SOX5: variants seen among roughly 807,000 people sequenced by gnomAD.
SOX5 encodes SRY-box transcription factor 5.
SOX5 carries 9 observed loss-of-function variants against 92.0 expected under a neutral mutation model. That is an observed-to-expected ratio of 0.10 (90% CI 0.06 to 0.17). The LOEUF is 0.17. Ranked by LOEUF, SOX5 falls within the 10% of genes least tolerant of loss-of-function variation. The probability of loss-of-function intolerance (pLI) is 1.00; values close to 1 mark genes in which losing one functional copy is unlikely to be tolerated. For missense variants in SOX5, 642 were observed against 944.5 expected, an observed-to-expected ratio of 0.68 and a Z score of 4.20; for synonymous variants, 344 against 336.3, an observed-to-expected ratio of 1.02 and a Z score of -0.25.
chr12:24,120,671 A>C (rs182131851), intron 4 of SOX5, among the ~76,000 whole-genome samples: 65 of 152,334 alleles, frequency 4.3e-4, no homozygotes, highest in Non-Finnish European at 8.1e-4. Flanking sequence ...CTGTGATCTT[A>C]TGGCTAAATC....
chr12:24,208,211 T>C lies in SOX5; in HGVS notation c.-2+5132A>G, dbSNP rs115766282. ...CATTAGTATTCTATCTTCCTTCTTA[T>C]AGCCATACAGTTTATAAATCAGTCA... On this transcript the variant is annotated intron_variant, in intron 4 of 4. Coordinates refer to the SOX5 transcript ENST00000446891. Among the ~76,000 whole-genome samples, 444 of 152,258 alleles carry C rather than the reference T, an allele frequency of 2.9e-3. 6 individuals are homozygous for C. The highest frequency in any genetic ancestry group is 0.01 in the African/African-American group (425 of 41,546).
intron 4 of SOX5, among the ~76,000 whole-genome samples, chr12:24,126,651 G>A (rs17487383): frequency 4.6e-5 from 7 of 152,094 alleles, no homozygotes; most frequent in East Asian, 3.8e-4. Flanking sequence ...ATGTAAACCC[G>A]ACAATTGCAT....
At chr12:24,437,789 C>T (rs2075050654) in intron 1 of SOX5, among the ~76,000 whole-genome samples, 5 of 152,186 alleles carry the variant, frequency 3.3e-5, no homozygotes, top group Non-Finnish European at 1.5e-5. Context: ...ACAACAGATG[C>T]TGGAGAGGAC....
At chr12:23,738,990 A>T (rs537348618) in intron 5 of SOX5, among the ~76,000 whole-genome samples, 2 of 152,368 alleles carry the variant, frequency 1.3e-5, no homozygotes, top group South Asian at 4.1e-4. Context: ...TCTTTTAAGC[A>T]GACATCAACC....
chr12:24,298,709 A>G (rs1049851377), intron 2 of SOX5, among the ~76,000 whole-genome samples: 2 of 145,972 alleles, frequency 1.4e-5, no homozygotes, highest in Non-Finnish European at 3.0e-5. Context: ...AAGAACTTGC[A>G]TTTATGTACT....
At chr12:24,346,947 C>T (rs1953368760) in intron 2 of SOX5, among the ~76,000 whole-genome samples, 1 of 152,082 alleles carries the variant, frequency 6.6e-6, no homozygotes, top group Non-Finnish European at 1.5e-5. Context: ...TTAATGGGTG[C>T]AGCACACTAA....
intron 3 of SOX5, among the ~76,000 whole-genome samples, chr12:23,795,457 C>T (rs1369880893): frequency 6.6e-6 from 1 of 152,076 alleles, no homozygotes; most frequent in Admixed American, 6.6e-5. Context: ...TTTTAGACTA[C>T]CTTTGGATTT....
intron 4 of SOX5, among the ~76,000 whole-genome samples, chr12:24,012,191 A>C (rs1218777636): frequency 6.6e-6 from 1 of 152,202 alleles, no homozygotes; most frequent in Non-Finnish European, 1.5e-5. Context: ...TTTAGCGGAC[A>C]AGTGGTTGTT....
At chr12:24,189,906 G>A (rs1023937790) in intron 4 of SOX5, among the ~76,000 whole-genome samples, 3 of 152,096 alleles carry the variant, frequency 2.0e-5, no homozygotes, top group Non-Finnish European at 4.4e-5. Flanking sequence ...CTTACCAATG[G>A]CAGATACCCT....
chr12:23,882,058 C>G (rs1201803328), intron 2 of SOX5, among the ~76,000 whole-genome samples: 1 of 152,116 alleles, frequency 6.6e-6, no homozygotes, highest in Admixed American at 6.5e-5. Flanking sequence ...GTTTAATCAT[C>G]AAGAATTAGC....
chr12:23,828,112 T>G lies in SOX5; in HGVS notation c.481+17871A>C, dbSNP rs564810044. Among the ~76,000 whole-genome samples, 13 of 152,342 alleles carry G rather than the reference T, an allele frequency of 8.5e-5. No individual in the cohort carries two copies. The South Asian group carries it at 1.0e-3, about 12-fold the overall frequency. On this transcript the variant is annotated intron_variant, in intron 3 of 14. Transcript: ENST00000451604. ...CCATATTTCTACTGTACCTTTTTTA[T>G]GTGTAGATACACAAATACTTACTTT... is the stretch of plus-strand genomic sequence containing the variant.
At chr12:23,587,139 A>G (rs926364785) in intron 9 of SOX5, among the ~76,000 whole-genome samples, 1 of 151,974 alleles carries the variant, frequency 6.6e-6, no homozygotes, top group African/African-American at 2.4e-5. Context: ...TAACCTAAAA[A>G]CTTCTAACTT....
intron 1 of SOX5, among the ~76,000 whole-genome samples, chr12:23,936,249 C>T (rs781146455): frequency 6.6e-6 from 1 of 150,914 alleles, no homozygotes; most frequent in Non-Finnish European, 1.5e-5. Context: ...GGTATTCTTA[C>T]CCCTCCACAA....
intron 2 of SOX5, among the ~76,000 whole-genome samples, chr12:24,311,396 G>A (rs183187780): frequency 1.6e-4 from 24 of 151,996 alleles, no homozygotes; most frequent in Non-Finnish European, 2.8e-4. Context: ...TCATTATAGG[G>A]GTGTCAGGTA....
At chr12:23,795,848 T>C (rs1023544394) in intron 3 of SOX5, among the ~76,000 whole-genome samples, 2 of 152,184 alleles carry the variant, frequency 1.3e-5, no homozygotes, top group African/African-American at 2.4e-5. Context: ...TCTCTATTGA[T>C]TACCATTTTC....
chr12:23,640,788 C>G (rs998916156), intron 8 of SOX5, 24 bp downstream of exon 8: 9 of 1,563,714 alleles, frequency 5.8e-6, no homozygotes, highest in Non-Finnish European at 6.2e-6. Context: ...ACCTTTGTCT[C>G]CTCTGTATTG....
At chr12:24,427,733 G>A (rs1302488205) in intron 1 of SOX5, among the ~76,000 whole-genome samples, 3 of 152,162 alleles carry the variant, frequency 2.0e-5, no homozygotes, top group South Asian at 2.1e-4. Context: ...AATATATGAG[G>A]TGTGAATGTG....
At chr12:23,747,637 C>A (rs1360971287) in intron 4 of SOX5, among the ~76,000 whole-genome samples, 2 of 152,044 alleles carry the variant, frequency 1.3e-5, no homozygotes, top group African/African-American at 4.8e-5. Flanking sequence ...TTCGCCCAGA[C>A]CCAGGTTTCT....
chr12:24,216,212 G>A lies in SOX5; in HGVS notation c.-76-2795C>T, dbSNP rs369827312. ...AGAATAAAAAATCCCGGCCGGGCGC[G>A]GTGGCTTACGCCTGTAATCCCAGCA... is the stretch of plus-strand genomic sequence containing the variant. On this transcript the variant is annotated intron_variant, in intron 3 of 4. Coordinates refer to the SOX5 transcript ENST00000446891. Among the ~76,000 whole-genome samples, 33 of 152,278 alleles carry A rather than the reference G, an allele frequency of 2.2e-4. 1 individual carries two copies. The highest frequency in any genetic ancestry group is 6.7e-4 in the African/African-American group (28 of 41,570).
Sources: allele counts gnomAD v4.1 joint callset (sites outside exome capture counted in the v4.1 genomes callset), GRCh38; gene constraint gnomAD v4.1.1; transcripts MANE v1.5; gene names NCBI Gene and HGNC (gene_info 2026-07-23, HGNC 2026-07-21).